PTPRO: variants seen among roughly 807,000 people sequenced by gnomAD.
PTPRO encodes protein tyrosine phosphatase receptor type O.
PTPRO carries 62 observed loss-of-function variants against 145.2 expected under a neutral mutation model. The ratio of observed to expected loss-of-function variants is 0.43; its 90% confidence interval spans 0.35 to 0.53. The LOEUF (loss-of-function observed/expected upper bound fraction) is 0.53, where lower values mean the gene tolerates loss of function less well. Among genes scored for constraint, PTPRO ranks in the 20% least tolerant of loss-of-function variants. PTPRO has a pLI of 0.01. For synonymous variants in PTPRO, 565 were observed against 514.7 expected (o/e 1.10, Z -1.32); for missense variants, 1,345 against 1,482.7 (o/e 0.91, Z 1.53).
At chr12:15,513,227 AAAG>A (rs1463666245) in intron 7 of PTPRO, among the ~76,000 whole-genome samples, 19 of 130,014 alleles carry the variant, frequency 1.5e-4, no homozygotes, top group Non-Finnish European at 2.8e-4. Flanking sequence ...GAAAGAAAGA[AAAG>A]AAAGAAAGAG....
Position 15,322,816 on chromosome 12 carries a change from C to A in PTPRO, c.75+15C>A. 1 of 1,609,694 alleles carries A rather than the reference C, an allele frequency of 6.2e-7. No homozygotes were observed. Among genetic ancestry groups the A allele is most frequent in the Non-Finnish European group, 8.5e-7 (1 of 1,178,432 alleles). ...TGCTGTTCAAGGTAGGGGAGCTCCT[C>A]CACCCCTTTTTCCCAGCGGTCCGGG... On this transcript the variant is annotated intron_variant, in intron 1 of 26. Coordinates refer to ENST00000281171, the MANE Select transcript of PTPRO (RefSeq NM_030667.3). The surrounding 1 kb of genome is among the most constrained non-coding windows in gnomAD (Gnocchi z 6.3).
intron 7 of PTPRO, among the ~76,000 whole-genome samples, chr12:15,510,404 T>A (rs1942413595): frequency 6.6e-6 from 1 of 152,198 alleles, no homozygotes; most frequent in Admixed American, 6.5e-5. Context: ...AAACGTGTTT[T>A]CCCCTACAGA....
At chr12:15,392,821 C>G (rs1316300686) in intron 1 of PTPRO, among the ~76,000 whole-genome samples, 1 of 151,874 alleles carries the variant, frequency 6.6e-6, no homozygotes, top group African/African-American at 2.4e-5. Flanking sequence ...GTTCATGGCC[C>G]CATCCTGCTA....
intron 19 of PTPRO, among the ~76,000 whole-genome samples, chr12:15,572,645 A>AT (rs35110189): frequency 0.012 from 1,772 of 151,846 alleles, 14 homozygotes; most frequent in Non-Finnish European, 0.018. Flanking sequence ...TTTTTTTCTC[A>AT]TTTTTTTACA....
rs557945499 is a variant in PTPRO at position 15,398,880 on chromosome 12, T to G, written c.75+76079T>G. ...TCAAAACCCAGTTTTCTTAGTACTT[T>G]TTCTCTTTAGAGTGCGGCTCAACAC... On this transcript the variant is annotated intron_variant, in intron 1 of 26. Transcript: ENST00000281171. Among the ~76,000 whole-genome samples, 6 of 152,292 alleles carry G rather than the reference T, an allele frequency of 3.9e-5. No individual in the cohort carries two copies. The South Asian group carries it at 1.0e-3, about 26-fold the overall frequency.
At chr12:15,377,167 A>C (rs971469399) in intron 1 of PTPRO, among the ~76,000 whole-genome samples, 1 of 152,158 alleles carries the variant, frequency 6.6e-6, no homozygotes, top group African/African-American at 2.4e-5. Context: ...ATAGTTCCAG[A>C]GCAACCACTA....
chr12:15,376,769 A>AT (rs1350872211), intron 1 of PTPRO, among the ~76,000 whole-genome samples: 1 of 152,080 alleles, frequency 6.6e-6, no homozygotes, highest in Non-Finnish European at 1.5e-5. Flanking sequence ...GGTTCTTTTA[A>AT]ATAAAGGCAT....
intron 1 of PTPRO, among the ~76,000 whole-genome samples, chr12:15,408,602 A>G (rs966081745): frequency 6.6e-6 from 1 of 151,924 alleles, no homozygotes. Context: ...TAATTTTTGT[A>G]TTTTTAGTAG....
At chr12:15,429,761 A>C (rs1214711589) in intron 1 of PTPRO, among the ~76,000 whole-genome samples, 2 of 152,176 alleles carry the variant, frequency 1.3e-5, no homozygotes, top group Non-Finnish European at 2.9e-5. Context: ...AATGTAGAAA[A>C]CAACTGGATG....
At chr12:15,463,882 A>T (rs1941358556) in intron 1 of PTPRO, among the ~76,000 whole-genome samples, 1 of 152,240 alleles carries the variant, frequency 6.6e-6, no homozygotes, top group African/African-American at 2.4e-5. Flanking sequence ...CTGGACAGCC[A>T]CAGTGAGAAT....
At chr12:15,572,191 T>C (rs1030673963) in intron 19 of PTPRO, among the ~76,000 whole-genome samples, 1 of 152,230 alleles carries the variant, frequency 6.6e-6, no homozygotes, top group Non-Finnish European at 1.5e-5. Context: ...ATTTTTTATG[T>C]AGTGAACATG....
rs1359867674 is a variant in PTPRO, at chr12:15,567,772, C to T, written c.2748-1645C>T. Among the ~76,000 whole-genome samples, 5 of 152,074 alleles carry T rather than the reference C, an allele frequency of 3.3e-5. No homozygotes were observed. The East Asian group carries it at 5.8e-4, about 18-fold the overall frequency. On this transcript the variant is annotated intron_variant, in intron 18 of 26. Transcript: ENST00000281171. ...GTTTGAAGTGGGAAAAGCTTTGAAC[C>T]AGGACTTACTCTCCCTGGATTCCAG...
chr12:15,582,208 T>TCC (rs1250388384), intron 23 of PTPRO, among the ~76,000 whole-genome samples: 1 of 152,244 alleles, frequency 6.6e-6, no homozygotes, highest in Non-Finnish European at 1.5e-5. Context: ...TTGCCCTCAT[T>TCC]GCGGTAAACC....
At chr12:15,433,556 G>T in intron 1 of PTPRO, among the ~76,000 whole-genome samples, 1 of 152,270 alleles carries the variant, frequency 6.6e-6, no homozygotes, top group Non-Finnish European at 1.5e-5. Context: ...AAAGGGTCCA[G>T]TTTCAATCTT....
chr12:15,327,629 A>G (rs1464243625), intron 1 of PTPRO, among the ~76,000 whole-genome samples: 1 of 152,206 alleles, frequency 6.6e-6, no homozygotes, highest in African/African-American at 2.4e-5. Flanking sequence ...AGTCATCTTA[A>G]ATACCCATTA....
intron 1 of PTPRO, among the ~76,000 whole-genome samples, chr12:15,332,011 G>A (rs1298012959): frequency 1.3e-4 from 19 of 145,904 alleles, no homozygotes; most frequent in Non-Finnish European, 2.4e-4. Context: ...TGCCACCAAG[G>A]CTGGAATGCA....
chr12:15,324,646 AT>A (rs2136190972), intron 1 of PTPRO, among the ~76,000 whole-genome samples: 1 of 152,240 alleles, frequency 6.6e-6, no homozygotes, highest in African/African-American at 2.4e-5. Context: ...AAGAAAAATC[AT>A]TTTCCTTTAT....
chr12:15,359,667 A>C (rs1395798012), intron 1 of PTPRO, among the ~76,000 whole-genome samples: 2 of 152,042 alleles, frequency 1.3e-5, no homozygotes, highest in African/African-American at 4.8e-5. Context: ...GGATCAAGTG[A>C]TCCACCTGCC....
intron 12 of PTPRO, among the ~76,000 whole-genome samples, chr12:15,541,869 G>A (rs745520930): frequency 8.5e-5 from 13 of 152,064 alleles, no homozygotes; most frequent in South Asian, 2.1e-4. Flanking sequence ...AAAATTAGCC[G>A]GGTGTGGTGG....
Sources: gnomAD v4.1 joint callset for allele counts (sites outside exome capture counted in the v4.1 genomes callset) on GRCh38, gnomAD v4.1.1 for gene constraint, Gnocchi (gnomAD v3.1) non-coding constraint, MANE v1.5 for transcripts, NCBI Gene and HGNC (gene_info 2026-07-23, HGNC 2026-07-21) for gene names.